The following MYRIP variants were observed in gnomAD, a reference collection of about 807,000 sequenced individuals.
The protein encoded by MYRIP is myosin VIIA and Rab interacting protein, also known as rab effector MyRIP.
Under a neutral mutation model 98.0 loss-of-function variants are expected in MYRIP, and 49 were observed. The observed-to-expected ratio is 0.50, with a 90% confidence interval of 0.40 to 0.63. MYRIP has a LOEUF of 0.63. Ranked by LOEUF, MYRIP falls within the 30% of genes least tolerant of loss-of-function variation. The pLI, the probability that MYRIP is intolerant of heterozygous loss-of-function variation, is 0.00. For missense variants in MYRIP, 1,004 were observed against 1,058.2 expected (o/e 0.95, Z 0.71); for synonymous variants, 404 against 409.5 (o/e 0.99, Z 0.16).
chr3:40,011,343 G>C (rs1369253902), intron 2 of MYRIP, among the ~76,000 whole-genome samples: 2 of 152,128 alleles, frequency 1.3e-5, no homozygotes, highest in African/African-American at 2.4e-5. Flanking sequence ...TAAAGAAGAA[G>C]GGAGGAAGGG....
At chr3:40,045,934 G>A (rs1361806143) in intron 3 of MYRIP, among the ~76,000 whole-genome samples, 1 of 152,132 alleles carries the variant, frequency 6.6e-6, no homozygotes, top group Non-Finnish European at 1.5e-5. Flanking sequence ...TAAAGTCAAA[G>A]AACTGTCACA....
chr3:39,938,294 T>C (rs1232532015), intron 2 of MYRIP, among the ~76,000 whole-genome samples: 9 of 152,322 alleles, frequency 5.9e-5, no homozygotes, highest in Non-Finnish European at 1.0e-4. Context: ...TGTTCAGTCA[T>C]GTTCAAAAGA....
chr3:39,958,386 C>T (rs1575413883), intron 2 of MYRIP, among the ~76,000 whole-genome samples: 1 of 152,134 alleles, frequency 6.6e-6, no homozygotes, highest in Non-Finnish European at 1.5e-5. Context: ...AAAGCTACAA[C>T]CAACTGATCT....
At chr3:40,017,043 T>C (rs1424014445) in intron 2 of MYRIP, among the ~76,000 whole-genome samples, 1 of 152,224 alleles carries the variant, frequency 6.6e-6, no homozygotes, top group Non-Finnish European at 1.5e-5. Flanking sequence ...GTCTTTTGGA[T>C]TTCTGGAATT....
At chr3:40,035,546 C>T (rs1947361006) in intron 2 of MYRIP, among the ~76,000 whole-genome samples, 1 of 151,884 alleles carries the variant, frequency 6.6e-6, no homozygotes, top group African/African-American at 2.4e-5. Context: ...TTTGTGCCGC[C>T]TCTAAGAACT....
intron 4 of MYRIP, among the ~76,000 whole-genome samples, chr3:40,159,048 T>C (rs1234664878): frequency 6.6e-6 from 1 of 152,154 alleles, no homozygotes; most frequent in Non-Finnish European, 1.5e-5. Flanking sequence ...TGATGTTAGC[T>C]GGTTATTTTG....
intron 2 of MYRIP, among the ~76,000 whole-genome samples, chr3:39,913,514 A>C (rs1041605543): frequency 1.3e-5 from 2 of 152,204 alleles, no homozygotes; most frequent in Non-Finnish European, 2.9e-5. Flanking sequence ...TCAGAATTAA[A>C]TTTCAAACTT....
intron 2 of MYRIP, among the ~76,000 whole-genome samples, chr3:40,000,047 G>C (rs1281631199): frequency 1.1e-5 from 1 of 94,668 alleles, no homozygotes; most frequent in African/African-American, 4.1e-5. Flanking sequence ...GAGGGGGGAG[G>C]GATAACAATA....
chr3:40,016,185 C>T (rs1262393172), intron 2 of MYRIP, among the ~76,000 whole-genome samples: 2 of 152,106 alleles, frequency 1.3e-5, no homozygotes, highest in Non-Finnish European at 1.5e-5. Context: ...CTGGTGACTA[C>T]TGCATTTTTA....
At chr3:39,893,953 C>T (rs889172168) in intron 1 of MYRIP, among the ~76,000 whole-genome samples, 1 of 152,052 alleles carries the variant, frequency 6.6e-6, no homozygotes, top group Non-Finnish European at 1.5e-5. Context: ...TGAATATCGT[C>T]ATATATATCC....
At chr3:39,986,389 G>GTCTCTCTT (rs1553654400) in intron 2 of MYRIP, among the ~76,000 whole-genome samples, 3 of 150,952 alleles carry the variant, frequency 2.0e-5, no homozygotes, top group African/African-American at 7.4e-5. Flanking sequence ...ATTTCTCTCT[G>GTCTCTCTT]TCTCTCTCTT....
chr3:40,185,131 C>T (rs938458588), intron 9 of MYRIP, among the ~76,000 whole-genome samples: 1 of 152,104 alleles, frequency 6.6e-6, no homozygotes, highest in African/African-American at 2.4e-5. Context: ...AGTGAATGCC[C>T]ACTGGGCTAT....
At chr3:39,915,689 T>G (rs1944136563) in intron 2 of MYRIP, among the ~76,000 whole-genome samples, 1 of 151,868 alleles carries the variant, frequency 6.6e-6, no homozygotes, top group Admixed American at 6.6e-5. Context: ...TAAATTCATA[T>G]ATCTTATCTC....
chr3:40,109,799 G>C (rs1206146899), intron 3 of MYRIP, among the ~76,000 whole-genome samples: 2 of 152,174 alleles, frequency 1.3e-5, no homozygotes, highest in African/African-American at 4.8e-5. Flanking sequence ...CTAGGACTTG[G>C]CCTGAGCCAT....
At chr3:40,034,538 A>C (rs889174302) in intron 2 of MYRIP, among the ~76,000 whole-genome samples, 20 of 151,504 alleles carry the variant, frequency 1.3e-4, no homozygotes, top group Admixed American at 6.6e-5. Context: ...ATCTCACACC[A>C]GTTAGAATGG....
At chr3:39,995,495 TA>T (rs1347522566) in intron 2 of MYRIP, among the ~76,000 whole-genome samples, 1 of 151,852 alleles carries the variant, frequency 6.6e-6, no homozygotes, top group Admixed American at 6.6e-5. Flanking sequence ...GAAAAAAGAA[TA>T]AAAGAAACAA....
chr3:40,044,899 T>A (rs559468451), intron 3 of MYRIP, among the ~76,000 whole-genome samples: 5 of 152,292 alleles, frequency 3.3e-5, no homozygotes, highest in South Asian at 4.1e-4. Flanking sequence ...ATAACAAGCA[T>A]GGCATTTCAC....
At chr3:40,167,368 AC>A in intron 7 of MYRIP, 129 bp downstream of exon 7, 1 of 853,862 alleles carries the variant, frequency 1.2e-6, no homozygotes. Flanking sequence ...CTCACTTTAG[AC>A]TTTTGTGCCC....
At position 40,150,662 on chromosome 3, in the gene MYRIP, C is replaced by T. The variant is rs80148248; in HGVS notation, c.333-386C>T. ...TGACTCAGTGGATGGTTCTCCTGGT[C>T]GCATCTAAGTTCACTCATGTGTCTC... On this transcript the variant is annotated intron_variant, in intron 3 of 16. Coordinates refer to ENST00000302541, the MANE Select transcript of MYRIP (RefSeq NM_015460.4). Among the ~76,000 whole-genome samples the T allele has an allele frequency of 1.7e-4, 26 of 152,284 alleles. No homozygotes were observed. The East Asian group carries it at 5.0e-3, about 29-fold the overall frequency.
Sources: gnomAD v4.1 joint callset for allele counts (sites outside exome capture counted in the v4.1 genomes callset) on GRCh38, gnomAD v4.1.1 for gene constraint, MANE v1.5 for transcripts, NCBI Gene and HGNC (gene_info 2026-07-23, HGNC 2026-07-21) for gene names.